Variants in MTHFD2L observed in about 807,000 individuals in gnomAD.
MTHFD2L encodes the protein bifunctional methylenetetrahydrofolate dehydrogenase/cyclohydrolase 2, mitochondrial.
In MTHFD2L, 29 loss-of-function variants were observed where a neutral mutation model predicts 34.9. The observed-to-expected ratio is 0.83, with a 90% CI of 0.62 to 1.13. MTHFD2L has a LOEUF of 1.13. Ranked by LOEUF, MTHFD2L falls within the 50% of genes most tolerant of loss-of-function variation. The probability of loss-of-function intolerance (pLI) is 0.00; values close to 1 mark genes in which losing one functional copy is unlikely to be tolerated. For missense variants in MTHFD2L, 481 were observed against 446.5 expected, an observed-to-expected ratio of 1.08 and a Z score of -0.70; for synonymous variants, 167 against 155.7, an observed-to-expected ratio of 1.07 and a Z score of -0.54.
At chr4:74,245,045 A>G (rs900817032) in intron 6 of MTHFD2L, among the ~76,000 whole-genome samples, 4 of 151,938 alleles carry the variant, frequency 2.6e-5, no homozygotes, top group Non-Finnish European at 4.4e-5. Context: ...ATACAAAAAA[A>G]TTAGCGAGGC....
upstream of MTHFD2L, among the ~76,000 whole-genome samples, chr4:74,155,881 AG>A (rs1179075848): frequency 2.1e-5 from 3 of 145,872 alleles, no homozygotes. Flanking sequence ...TCCACTTTTT[AG>A]TACTGAAAAA....
chr4:74,250,521 A>T (rs1743157843), intron 6 of MTHFD2L, among the ~76,000 whole-genome samples: 1 of 152,128 alleles, frequency 6.6e-6, no homozygotes. Context: ...CTACTATACC[A>T]CCTAGCACAT....
intron 1 of MTHFD2L, among the ~76,000 whole-genome samples, chr4:74,168,792 G>A (rs531154178): frequency 2.0e-5 from 3 of 152,298 alleles, no homozygotes; most frequent in East Asian, 1.9e-4. Context: ...AAGACAAGCC[G>A]GAGAGAAATT....
chr4:74,134,243 A>C (rs1179644339), intron 1 of MTHFD2L, among the ~76,000 whole-genome samples: 1 of 152,138 alleles, frequency 6.6e-6, no homozygotes, highest in African/African-American at 2.4e-5. Context: ...TCAGCCGTAA[A>C]AACTCCTTGT....
Position 74,201,245 on chromosome 4 carries a change from C to A in MTHFD2L, c.605-18C>A. On this transcript the variant is annotated intron_variant, in intron 4 of 7. Coordinates refer to ENST00000325278, the MANE Select transcript of MTHFD2L (RefSeq NM_001144978.3). ...CTTGTTGTCAATTCTGCATTTAAAC[C>A]GAACTCTGTATTTTAAGGAATTCAA... 6.3e-7 allele frequency: 1 copy of A among 1,594,320 alleles called. No individual in the cohort carries two copies. Among genetic ancestry groups the A allele is most frequent in the Non-Finnish European group, 8.6e-7 (1 of 1,163,998 alleles).
chr4:74,267,239 G>A, intron 6 of MTHFD2L: 1 of 985,034 alleles, frequency 1.0e-6, no homozygotes, highest in Non-Finnish European at 1.2e-6. Context: ...CATTCCCCAA[G>A]TGCATTGGTG....
At chr4:74,121,238 T>A (rs926820334), upstream of MTHFD2L, among the ~76,000 whole-genome samples, 3 of 152,158 alleles carry the variant, frequency 2.0e-5, no homozygotes, top group Non-Finnish European at 4.4e-5. Context: ...ACTGACTTTG[T>A]CCATCCTAGA....
intron 6 of MTHFD2L, among the ~76,000 whole-genome samples, chr4:74,234,795 C>CGTGTGTGTG (rs576512591): frequency 8.8e-6 from 1 of 113,662 alleles, no homozygotes; most frequent in African/African-American, 5.0e-5. Flanking sequence ...GAAAAGGAGA[C>CGTGTGTGTG]AGTGTGTGTG....
chr4:74,288,549 A>G lies in MTHFD2L; in HGVS notation c.931+6999A>G, dbSNP rs575985170. 2.0e-5 allele frequency: 3 copies of G among 152,338 alleles called. No homozygotes were observed. The East Asian group carries it at 5.8e-4, about 29-fold the overall frequency. The allele number at this position is 152,338 out of a possible 1,614,324, so 9.4% of individuals were successfully genotyped here. ...GAAAAGAAAGATATTTATTTATCTA[A>G]CATCCACATATCATTCAGCTTACCT... On this transcript the variant is annotated intron_variant, in intron 7 of 7. Coordinates refer to ENST00000325278, the MANE Select transcript of MTHFD2L (RefSeq NM_001144978.3).
chr4:74,283,864 C>T (rs1206494987), intron 7 of MTHFD2L, among the ~76,000 whole-genome samples: 1 of 152,098 alleles, frequency 6.6e-6, no homozygotes, highest in Non-Finnish European at 1.5e-5. Context: ...TGACATGTTG[C>T]TCTTCAAGTT....
chr4:74,281,833 A>G (rs377307746), intron 7 of MTHFD2L, among the ~76,000 whole-genome samples: 1 of 151,872 alleles, frequency 6.6e-6, no homozygotes, highest in Non-Finnish European at 1.5e-5. Flanking sequence ...GTTTTTATTG[A>G]TAGAATACAG....
chr4:74,151,832 T>C (rs1723959996), intron 1 of MTHFD2L, among the ~76,000 whole-genome samples: 1 of 152,242 alleles, frequency 6.6e-6, no homozygotes, highest in Non-Finnish European at 1.5e-5. Flanking sequence ...ACAGTCTTAA[T>C]GTTTCCTTCA....
At chr4:74,275,737 A>G (rs1455446113) in intron 6 of MTHFD2L, among the ~76,000 whole-genome samples, 1 of 151,938 alleles carries the variant, frequency 6.6e-6, no homozygotes, top group Admixed American at 6.6e-5. Context: ...TTGGCCACAT[A>G]AATGTCTTCT....
In MTHFD2L at chr4:74,174,544, A is replaced by G. The variant is rs1728655035; in HGVS notation, c.182A>G (p.Lys61Arg). ...ATTATATCAGGAACCGAAATGGCCA[A>G]GCATATCCAGAAAGAAATACAGCGA... is the stretch of plus-strand genomic sequence containing the variant. ...AIIISGTEMA[K>R]HIQKEIQRGV... The change falls in exon 2 of 8, where the codon AAG (lysine) becomes AGG (arginine). Residue 61 changes from lysine (K) to arginine (R), a missense_variant. Physicochemically the swap from Lys to Arg is conservative, Grantham distance 26. Transcript: ENST00000325278. 5 of 1,596,192 alleles carry G rather than the reference A, an allele frequency of 3.1e-6. No individual in the cohort carries two copies. The East Asian group carries it at 1.1e-4, about 36-fold the overall frequency.
intron 6 of MTHFD2L, among the ~76,000 whole-genome samples, chr4:74,244,088 G>T (rs1201399379): frequency 6.6e-6 from 1 of 152,210 alleles, no homozygotes; most frequent in East Asian, 1.9e-4. Context: ...AATGAAGAGT[G>T]AAGTCATTTG....
intron 7 of MTHFD2L, 106 bp downstream of exon 7, chr4:74,281,656 ATCATCAC>A (rs1293605243): frequency 2.7e-6 from 3 of 1,101,062 alleles, no homozygotes; most frequent in Non-Finnish European, 3.8e-6. Context: ...TAACTTATTA[ATCATCAC>A]CTCTTTCTTC....
chr4:74,126,668 A>G (rs1289716531), intron 1 of MTHFD2L, among the ~76,000 whole-genome samples: 1 of 152,150 alleles, frequency 6.6e-6, no homozygotes, highest in Non-Finnish European at 1.5e-5. Context: ...ACCCCCTACC[A>G]GTATATAATT....
chr4:74,159,485 G>A (rs1039058351), intron 1 of MTHFD2L, among the ~76,000 whole-genome samples: 4 of 152,094 alleles, frequency 2.6e-5, no homozygotes, highest in African/African-American at 7.2e-5. Flanking sequence ...GTTGTTTTAG[G>A]GGTGCTTTTC....
intron 1 of MTHFD2L, chr4:74,160,398 G>T: frequency 5.8e-6 from 1 of 173,420 alleles, no homozygotes; most frequent in Non-Finnish European, 1.2e-5. Flanking sequence ...CTATAATAAT[G>T]GAATATTTAC....
Sources: allele counts gnomAD v4.1 joint callset (sites outside exome capture counted in the v4.1 genomes callset), GRCh38; gene constraint gnomAD v4.1.1; transcripts MANE v1.5; gene names NCBI Gene and HGNC (gene_info 2026-07-23, HGNC 2026-07-21).